Variants in KIF6 observed in about 807,000 individuals in gnomAD.
KIF6 encodes kinesin-like protein KIF6.
A neutral mutation model predicts 112.7 loss-of-function variants in KIF6; 106 were observed. The observed-to-expected ratio is 0.94, with a 90% CI of 0.80 to 1.11. KIF6 has a LOEUF of 1.11. Ranked by LOEUF, KIF6 falls within the 50% of genes least tolerant of loss-of-function variation. KIF6 has a pLI of 0.00. For missense variants in KIF6, 929 were observed against 964.0 expected, an observed-to-expected ratio of 0.96 and a Z score of 0.48; for synonymous variants, 339 against 339.9, an observed-to-expected ratio of 1.00 and a Z score of 0.03.
intron 13 of KIF6, among the ~76,000 whole-genome samples, chr6:39,524,129 T>C (rs530799758): frequency 7.6e-5 from 11 of 145,328 alleles, no homozygotes; most frequent in African/African-American, 3.0e-4. Context: ...AGGCTGTGTG[T>C]GTGTGTGTGT....
At chr6:39,463,916 C>T (rs1773633762) in intron 13 of KIF6, among the ~76,000 whole-genome samples, 2 of 152,184 alleles carry the variant, frequency 1.3e-5, no homozygotes, top group African/African-American at 4.8e-5. Context: ...TCTGTCAAAT[C>T]ACTGCTGTCT....
At chr6:39,584,809 C>G in intron 9 of KIF6, 89 bp downstream of exon 9, 1 of 770,454 alleles carries the variant, frequency 1.3e-6, no homozygotes, top group South Asian at 1.5e-5. Context: ...TTAGAACATT[C>G]CCAGTACAGA....
chr6:39,479,960 T>C (rs1014952613), intron 13 of KIF6, among the ~76,000 whole-genome samples: 3 of 152,134 alleles, frequency 2.0e-5, no homozygotes, highest in Non-Finnish European at 4.4e-5. Context: ...GGGGGAGTCT[T>C]TAGGTTTTCT....
intron 6 of KIF6, among the ~76,000 whole-genome samples, chr6:39,605,212 T>C (rs1246388938): frequency 6.6e-6 from 1 of 152,134 alleles, no homozygotes; most frequent in Non-Finnish European, 1.5e-5. Flanking sequence ...TTTCACTTGA[T>C]TGCAAAAAGA....
intron 1 of KIF6, among the ~76,000 whole-genome samples, chr6:39,722,240 A>T (rs1309935007): frequency 6.6e-6 from 1 of 152,200 alleles, no homozygotes; most frequent in Non-Finnish European, 1.5e-5. Flanking sequence ...ATTTTTAAAA[A>T]GTCTATATTT....
intron 6 of KIF6, among the ~76,000 whole-genome samples, chr6:39,607,072 T>C (rs1394376124): frequency 6.6e-6 from 1 of 152,158 alleles, no homozygotes; most frequent in Non-Finnish European, 1.5e-5. Context: ...TTGTTGCTGT[T>C]GTTGGTGAAT....
Position 39,337,168 on chromosome 6 carries a change from C to CTTCCTTCTTTCTTTCTTTCT in KIF6, c.2429-640_2429-621dup, listed in dbSNP as rs1253973506. ...CCTTTCTCTTTCTTTTCTTTCTTTC[C>CTTCCTTCTTTCTTTCTTTCT]TTCCTTCTTTCTTTCTTTCTTTCTT... On this transcript the variant is annotated intron_variant, in intron 22 of 22. Coordinates refer to ENST00000287152, the MANE Select transcript of KIF6 (RefSeq NM_145027.6). Among the ~76,000 whole-genome samples, 91 of 48,526 alleles carry CTTCCTTCTTTCTTTCTTTCT rather than the reference C, an allele frequency of 1.9e-3. 2 individuals are homozygous for CTTCCTTCTTTCTTTCTTTCT. The highest frequency in any genetic ancestry group is 0.01 in the African/African-American group (87 of 8,394). The allele number at this position is 48,526 out of a possible 152,430, so 31.8% of individuals were successfully genotyped here.
chr6:39,650,896 A>G (rs187327853), intron 3 of KIF6, among the ~76,000 whole-genome samples: 192 of 152,300 alleles, frequency 1.3e-3, no homozygotes, highest in Non-Finnish European at 1.9e-3. Flanking sequence ...TCATGATATT[A>G]TATGAGAAGC....
chr6:39,531,626 T>A (rs1355382456), intron 13 of KIF6, among the ~76,000 whole-genome samples: 2 of 152,120 alleles, frequency 1.3e-5, no homozygotes, highest in African/African-American at 4.8e-5. Flanking sequence ...GCCAACAATG[T>A]CAATTGGGGA....
chr6:39,621,606 G>A (rs1294839975), intron 5 of KIF6, among the ~76,000 whole-genome samples: 1 of 152,192 alleles, frequency 6.6e-6, no homozygotes, highest in Non-Finnish European at 1.5e-5. Flanking sequence ...ACCTGTTTAT[G>A]TTTGATGCAC....
At chr6:39,682,698 G>A (rs1411050167) in intron 3 of KIF6, among the ~76,000 whole-genome samples, 3 of 152,140 alleles carry the variant, frequency 2.0e-5, no homozygotes, top group African/African-American at 7.2e-5. Context: ...TCCTGCCTCA[G>A]CCTCCTGAGT....
chr6:39,481,206 G>T (rs186397265), intron 13 of KIF6, among the ~76,000 whole-genome samples: 20 of 152,146 alleles, frequency 1.3e-4, no homozygotes, highest in Non-Finnish European at 2.9e-5. Flanking sequence ...AGAAGCTCCA[G>T]AAGTATACAC....
chr6:39,676,182 A>G (rs1056582618), intron 3 of KIF6, among the ~76,000 whole-genome samples: 3 of 152,120 alleles, frequency 2.0e-5, no homozygotes, highest in Non-Finnish European at 4.4e-5. Context: ...CCACATTGAG[A>G]TGCATCATTG....
At chr6:39,712,957 T>C (rs1214526941) in intron 3 of KIF6, among the ~76,000 whole-genome samples, 1 of 152,110 alleles carries the variant, frequency 6.6e-6, no homozygotes, top group Non-Finnish European at 1.5e-5. Context: ...AAAATAATAA[T>C]TTAAAAAATG....
chr6:39,636,669 C>T (rs551289627), intron 4 of KIF6, among the ~76,000 whole-genome samples: 1 of 152,054 alleles, frequency 6.6e-6, no homozygotes, highest in Admixed American at 6.6e-5. Flanking sequence ...TAGACTCTGT[C>T]CCTCTCTGCA....
At chr6:39,696,878 A>G (rs369969363) in intron 3 of KIF6, among the ~76,000 whole-genome samples, 1 of 151,942 alleles carries the variant, frequency 6.6e-6, no homozygotes, top group South Asian at 2.1e-4. Context: ...TATAACTACA[A>G]TCAACTCAAA....
At chr6:39,588,245 C>T (rs935566801) in intron 7 of KIF6, among the ~76,000 whole-genome samples, 2 of 152,098 alleles carry the variant, frequency 1.3e-5, no homozygotes, top group African/African-American at 4.8e-5. Flanking sequence ...GAGACAGAGT[C>T]TTGCTCTGTT....
At chr6:39,600,210 G>A (rs1341160515) in intron 6 of KIF6, among the ~76,000 whole-genome samples, 1 of 152,162 alleles carries the variant, frequency 6.6e-6, no homozygotes, top group African/African-American at 2.4e-5. Flanking sequence ...CACCATTTAG[G>A]CAGATTCATT....
intron 3 of KIF6, among the ~76,000 whole-genome samples, chr6:39,678,002 TGTGTCTTTATAGCAGCATGATTTATGCA>T (rs1787270693): frequency 6.6e-6 from 1 of 151,338 alleles, no homozygotes; most frequent in African/African-American, 2.4e-5. Context: ...TACGTGTGCA[TGTGTCTTTATAGCAGCATGATTTATGCA>T]GCCAAAAAAC....
Sources: gnomAD v4.1 joint callset for allele counts (sites outside exome capture counted in the v4.1 genomes callset) on GRCh38, gnomAD v4.1.1 for gene constraint, MANE v1.5 for transcripts, NCBI Gene and HGNC (gene_info 2026-07-23, HGNC 2026-07-21) for gene names.